Variants in SOS1 observed in about 807,000 individuals in gnomAD.
SOS1 encodes son of sevenless homolog 1.
SOS1 carries 25 observed loss-of-function variants against 157.6 expected under a neutral mutation model. The observed-to-expected ratio is 0.16, with a 90% confidence interval of 0.12 to 0.22. The LOEUF is 0.22. Among genes scored for constraint, SOS1 ranks in the 10% least tolerant of loss-of-function variants. SOS1 has a pLI of 1.00. For missense variants in SOS1, 1,237 were observed against 1,599.1 expected, an observed-to-expected ratio of 0.77 and a Z score of 3.86; for synonymous variants, 528 against 534.0, an observed-to-expected ratio of 0.99 and a Z score of 0.16.
intron 1 of SOS1, among the ~76,000 whole-genome samples, chr2:39,092,158 C>T (rs1034948182): frequency 6.6e-6 from 1 of 152,148 alleles, no homozygotes; most frequent in Non-Finnish European, 1.5e-5. Context: ...TAATTTTTCT[C>T]ACTCTTCTTC....
chr2:39,088,697 T>C (rs1360102038), intron 1 of SOS1, among the ~76,000 whole-genome samples: 1 of 152,240 alleles, frequency 6.6e-6, no homozygotes, highest in Admixed American at 6.5e-5. Context: ...TACATGCATG[T>C]ATATACTACA....
chr2:39,052,652 C>G (rs542850636), intron 5 of SOS1, among the ~76,000 whole-genome samples: 2 of 152,316 alleles, frequency 1.3e-5, no homozygotes, highest in East Asian at 3.9e-4. Flanking sequence ...GAGTAGCATT[C>G]CACTGTATGG....
At chr2:39,121,229 C>T (rs1673882907), upstream of SOS1, among the ~76,000 whole-genome samples, 1 of 152,064 alleles carries the variant, frequency 6.6e-6, no homozygotes, top group Admixed American at 6.5e-5. Flanking sequence ...CGCACCCTGG[C>T]AAAGTGGGGC....
chr2:39,029,241 T>C (rs915179074), intron 8 of SOS1, among the ~76,000 whole-genome samples: 21 of 152,234 alleles, frequency 1.4e-4, no homozygotes, highest in African/African-American at 5.1e-4. Context: ...ATGTCATTTA[T>C]GAAAACATAT....
intron 8 of SOS1, among the ~76,000 whole-genome samples, chr2:39,034,242 T>C (rs1402293485): frequency 6.6e-6 from 1 of 152,260 alleles, no homozygotes; most frequent in Non-Finnish European, 1.5e-5. Context: ...ATGACTACTA[T>C]GCAGTGCAGA....
intron 6 of SOS1, among the ~76,000 whole-genome samples, chr2:39,042,134 A>T (rs548998705): frequency 8.1e-4 from 123 of 152,314 alleles, no homozygotes; most frequent in Middle Eastern, 3.4e-3. Flanking sequence ...AAGTCTTAAT[A>T]TGTGGCAAGA....
chr2:39,073,454 A>C (rs1044290723), intron 1 of SOS1, among the ~76,000 whole-genome samples: 1 of 152,258 alleles, frequency 6.6e-6, no homozygotes, highest in Non-Finnish European at 1.5e-5. Context: ...TAATGCAAAT[A>C]CTTTACTAAA....
At chr2:39,108,252 T>C (rs1394035960) in intron 1 of SOS1, among the ~76,000 whole-genome samples, 2 of 152,048 alleles carry the variant, frequency 1.3e-5, no homozygotes, top group East Asian at 3.8e-4. Flanking sequence ...CTGCAAAATC[T>C]CCTCAACTGG....
intron 6 of SOS1, among the ~76,000 whole-genome samples, chr2:39,039,625 G>A (rs1048062362): frequency 1.3e-5 from 2 of 152,132 alleles, no homozygotes; most frequent in Non-Finnish European, 2.9e-5. Context: ...TTATTAGCTT[G>A]ACTTTACATT....
chr2:39,032,113 T>A (rs982712419), intron 8 of SOS1, among the ~76,000 whole-genome samples: 4 of 152,228 alleles, frequency 2.6e-5, no homozygotes, highest in African/African-American at 9.6e-5. Context: ...TTAAAACATG[T>A]GCATTAACAC....
chr2:39,063,657 T>C (rs534758174), intron 2 of SOS1, among the ~76,000 whole-genome samples: 53 of 152,334 alleles, frequency 3.5e-4, no homozygotes, highest in African/African-American at 1.0e-3. Flanking sequence ...AAAACATGTA[T>C]GCAATCTATC....
intron 1 of SOS1, among the ~76,000 whole-genome samples, chr2:39,119,335 A>T (rs1673777267): frequency 6.6e-6 from 1 of 152,220 alleles, no homozygotes; most frequent in South Asian, 2.1e-4. Context: ...AGACAGCAAG[A>T]GGGACCGGAG....
Position 38,983,910 on chromosome 2 carries a change from G to C in SOS1, c.*1914C>G, listed in dbSNP as rs965431122. On this transcript the variant is annotated 3_prime_UTR_variant, in exon 23 of 23. Transcript: ENST00000402219. ...AAGAGGAAATATTTTATAAAGAGAA[G>C]AATGGCTACCATCATAGGAATGGTA... The C allele has an allele frequency of 1.3e-5, 2 of 152,146 alleles. No individual in the cohort carries two copies. Among genetic ancestry groups the C allele is most frequent in the African/African-American group, 4.8e-5 (2 of 41,426 alleles). 9.4% of individuals were successfully genotyped at this position (152,146 alleles called of 1,614,324 possible). A position where few individuals can be genotyped will look rare whatever the true frequency, so the allele number is the denominator to read the frequency against.
rs561602481 is a variant in SOS1, at chr2:38,989,447, A to G, written c.3347-133T>C. 1.7e-4 allele frequency: 113 copies of G among 654,792 alleles called. No homozygotes were observed. The African/African-American group carries it at 1.8e-3, about 10-fold the overall frequency. 40.6% of individuals were successfully genotyped at this position (654,792 alleles called of 1,614,324 possible). ...AAGAATGCTGTAACAGTTTATAGTA[A>G]AACCTCATTACTACTTACTTTTGAG... On this transcript the variant is annotated intron_variant, in intron 20 of 22. Coordinates refer to ENST00000402219, the MANE Select transcript of SOS1 (RefSeq NM_005633.4).
At chr2:39,106,690 C>A (rs1445759902) in intron 1 of SOS1, among the ~76,000 whole-genome samples, 1 of 152,108 alleles carries the variant, frequency 6.6e-6, no homozygotes, top group Non-Finnish European at 1.5e-5. Context: ...TCTCCACTCC[C>A]AACTCCAACA....
intron 1 of SOS1, among the ~76,000 whole-genome samples, chr2:39,096,155 C>G (rs962174022): frequency 6.6e-6 from 1 of 152,170 alleles, no homozygotes; most frequent in Non-Finnish European, 1.5e-5. Context: ...CAGGGGAAAG[C>G]AAGACTTTCT....
intron 8 of SOS1, among the ~76,000 whole-genome samples, chr2:39,026,036 A>C (rs1669950276): frequency 6.6e-6 from 1 of 152,056 alleles, no homozygotes; most frequent in Non-Finnish European, 1.5e-5. Flanking sequence ...TTTTAGGAAA[A>C]TTTTCAGTCT....
chr2:39,085,034 C>A (rs1369827838), intron 1 of SOS1, among the ~76,000 whole-genome samples: 1 of 151,998 alleles, frequency 6.6e-6, no homozygotes, highest in Non-Finnish European at 1.5e-5. Context: ...TCTATCCTAT[C>A]CTATTTTTAT....
intron 6 of SOS1, among the ~76,000 whole-genome samples, 170 bp from the exon 7 acceptor site, chr2:39,035,670 CAAGT>C (rs930432797): frequency 2.0e-5 from 3 of 152,154 alleles, no homozygotes; most frequent in Admixed American, 6.5e-5. Context: ...CCAATATTCT[CAAGT>C]AAGAGAGTAA....
Sources: allele counts gnomAD v4.1 joint callset (sites outside exome capture counted in the v4.1 genomes callset), GRCh38; gene constraint gnomAD v4.1.1; transcripts MANE v1.5; gene names NCBI Gene and HGNC (gene_info 2026-07-23, HGNC 2026-07-21).